Variants in ALK observed in about 807,000 individuals in gnomAD.
ALK encodes the protein ALK tyrosine kinase receptor.
In ALK, 74 loss-of-function variants were observed where a neutral mutation model predicts 163.1. The observed-to-expected ratio is 0.45, with a 90% CI of 0.38 to 0.55. The LOEUF is 0.55. ALK is among the 20% of genes least tolerant of loss of function. The pLI is 0.00. For missense variants in ALK, 2,063 were observed against 2,105.3 expected, an observed-to-expected ratio of 0.98 and a Z score of 0.39; for synonymous variants, 960 against 843.2, an observed-to-expected ratio of 1.14 and a Z score of -2.40.
chr2:29,662,748 C>T (rs6751913), intron 3 of ALK, among the ~76,000 whole-genome samples: 17,627 of 151,956 alleles, frequency 0.12, 2,185 homozygotes, highest in African/African-American at 0.31. Flanking sequence ...TAAATATGGA[C>T]ATCTGTGACC....
At chr2:29,766,791 T>C (rs72851985) in intron 1 of ALK, among the ~76,000 whole-genome samples, 1,819 of 152,304 alleles carry the variant, frequency 0.012, 31 homozygotes, top group African/African-American at 0.042. Context: ...CATGATTTAC[T>C]TTCTGACAGA....
chr2:29,327,203 G>A (rs901451476), intron 6 of ALK, among the ~76,000 whole-genome samples: 3 of 152,180 alleles, frequency 2.0e-5, no homozygotes, highest in South Asian at 2.1e-4. Context: ...CGCCCCGACT[G>A]CCAGTGGGGC....
At chr2:29,632,373 C>T (rs1202285354) in intron 3 of ALK, among the ~76,000 whole-genome samples, 1 of 151,772 alleles carries the variant, frequency 6.6e-6, no homozygotes, top group Non-Finnish European at 1.5e-5. Flanking sequence ...AGATAGGGAT[C>T]TTAAGAGGTA....
intron 2 of ALK, among the ~76,000 whole-genome samples, chr2:29,706,173 C>G (rs1017134238): frequency 4.6e-5 from 7 of 152,228 alleles, no homozygotes; most frequent in African/African-American, 1.7e-4. Context: ...TCTTCCATCT[C>G]TACCATGCTA....
At chr2:29,622,331 G>A (rs1004735518) in intron 3 of ALK, among the ~76,000 whole-genome samples, 4 of 152,148 alleles carry the variant, frequency 2.6e-5, no homozygotes, top group African/African-American at 4.8e-5. Flanking sequence ...CACATGGCTC[G>A]TGAGGCCTCA....
At chr2:29,583,298 AT>A (rs1162560245) in intron 3 of ALK, among the ~76,000 whole-genome samples, 1 of 152,142 alleles carries the variant, frequency 6.6e-6, no homozygotes, top group African/African-American at 2.4e-5. Flanking sequence ...TTTGCAAGGC[AT>A]TTCAAACCTC....
At chr2:29,828,341 T>G (rs78313993) in intron 1 of ALK, among the ~76,000 whole-genome samples, 68,779 of 151,960 alleles carry the variant, frequency 0.45, 16,281 homozygotes, top group East Asian at 0.75. Context: ...CTAAAGAGCT[T>G]CTGCACAGCA....
intron 1 of ALK, among the ~76,000 whole-genome samples, chr2:29,815,168 A>T (rs1315154644): frequency 6.6e-6 from 1 of 151,712 alleles, no homozygotes; most frequent in African/African-American, 2.4e-5. Context: ...CTATCACTTA[A>T]TAATGGTGCA....
intron 1 of ALK, among the ~76,000 whole-genome samples, chr2:29,753,519 A>T (rs996521571): frequency 2.0e-5 from 3 of 152,218 alleles, no homozygotes; most frequent in Non-Finnish European, 4.4e-5. Context: ...CAGAAAAATA[A>T]AGATTGTTTA....
intron 1 of ALK, among the ~76,000 whole-genome samples, chr2:29,825,476 G>C (rs4595923): frequency 0.39 from 58,566 of 152,026 alleles, 12,915 homozygotes; most frequent in East Asian, 0.64. Context: ...CCAGAGGAAT[G>C]AGAGACCTTG....
At chr2:29,438,315 G>C (rs965449949) in intron 4 of ALK, among the ~76,000 whole-genome samples, 1 of 152,164 alleles carries the variant, frequency 6.6e-6, no homozygotes, top group Non-Finnish European at 1.5e-5. Flanking sequence ...TTTGAACCAG[G>C]TCATCTTGTT....
intron 3 of ALK, among the ~76,000 whole-genome samples, chr2:29,597,555 CAT>C (rs1675249000): frequency 6.6e-6 from 1 of 152,126 alleles, no homozygotes; most frequent in African/African-American, 2.4e-5. Flanking sequence ...AAAGGTGACT[CAT>C]ATGGATTTTG....
At chr2:29,798,163 G>A (rs186014039) in intron 1 of ALK, among the ~76,000 whole-genome samples, 2 of 152,314 alleles carry the variant, frequency 1.3e-5, no homozygotes, top group East Asian at 3.9e-4. Context: ...AAGCACAGAA[G>A]GCTAAATCCA....
intron 3 of ALK, among the ~76,000 whole-genome samples, chr2:29,540,269 T>G (rs1317392277): frequency 6.6e-6 from 1 of 152,180 alleles, no homozygotes; most frequent in Non-Finnish European, 1.5e-5. Context: ...CCCAGAAACC[T>G]CAAGATATTT....
chr2:29,332,285 CAAAAAAAAAAAAAAAAAA>C (rs57598066), intron 5 of ALK, among the ~76,000 whole-genome samples: 66 of 18,356 alleles, frequency 3.6e-3, no homozygotes, highest in South Asian at 0.015. Context: ...GACTCCATCT[CAAAAAAAAAAAAAAAAAA>C]AAAAAAAAAA....
intron 4 of ALK, among the ~76,000 whole-genome samples, chr2:29,422,202 G>T (rs1298213839): frequency 6.6e-6 from 1 of 151,332 alleles, no homozygotes; most frequent in African/African-American, 2.5e-5. Flanking sequence ...AGTCTTCAAA[G>T]AACTTTAATG....
chr2:29,380,168 C>T (rs1160893247), intron 5 of ALK, among the ~76,000 whole-genome samples: 1 of 150,636 alleles, frequency 6.6e-6, no homozygotes, highest in Non-Finnish European at 1.5e-5. Context: ...TGCACTGGCA[C>T]GATCTCAGCT....
chr2:29,264,736 C>T (rs915012769), intron 11 of ALK, among the ~76,000 whole-genome samples: 56 of 152,194 alleles, frequency 3.7e-4, no homozygotes, highest in African/African-American at 1.3e-3. Flanking sequence ...GCCAGGGGTA[C>T]AGTGAGTGGG....
intron 1 of ALK, among the ~76,000 whole-genome samples, chr2:29,739,786 A>G (rs1051746347): frequency 6.6e-6 from 1 of 152,060 alleles, no homozygotes; most frequent in Admixed American, 6.5e-5. Context: ...CATATCAATG[A>G]CTGTTTCAAT....
Sources: gnomAD v4.1 joint callset for allele counts (sites outside exome capture counted in the v4.1 genomes callset) on GRCh38, gnomAD v4.1.1 for gene constraint, MANE v1.5 for transcripts, NCBI Gene and HGNC (gene_info 2026-07-23, HGNC 2026-07-21) for gene names.